Variants in ZNF331 observed in about 807,000 individuals in gnomAD.
ZNF331 encodes C2H2-like zinc finger protein rearranged in thyroid adenomas.
Under a neutral mutation model 7.0 loss-of-function variants are expected in ZNF331, and 2 were observed. That is an observed-to-expected ratio of 0.29 (90% CI 0.12 to 0.90). The LOEUF is 0.90. ZNF331 is among the 40% of genes least tolerant of loss of function. ZNF331 has a pLI of 0.58. For missense variants in ZNF331, 432 were observed against 587.7 expected, an observed-to-expected ratio of 0.74 and a Z score of 2.74; for synonymous variants, 196 against 205.4, an observed-to-expected ratio of 0.95 and a Z score of 0.39.
At chr19:53,527,231 A>T (rs1193137050) in intron 2 of ZNF331, among the ~76,000 whole-genome samples, 1 of 152,116 alleles carries the variant, frequency 6.6e-6, no homozygotes, top group Non-Finnish European at 1.5e-5. Flanking sequence ...TAAAAAAATG[A>T]TTACTCAAGG....
At chr19:53,576,084 A>G (rs1173204594) in intron 5 of ZNF331, among the ~76,000 whole-genome samples, 1 of 152,010 alleles carries the variant, frequency 6.6e-6, no homozygotes, top group Admixed American at 6.6e-5. Flanking sequence ...TCCCAGGTTC[A>G]AGCAATTTCC....
Position 53,577,059 on chromosome 19 carries a change from G to A in ZNF331, c.499G>A (p.Ala167Thr). 2 of 1,613,668 alleles carry A rather than the reference G, an allele frequency of 1.2e-6. No individual in the cohort carries two copies. The highest frequency in any genetic ancestry group is 1.7e-6 in the Non-Finnish European group (2 of 1,179,818). Residue 167 changes from alanine (A) to threonine (T), a missense_variant, in exon 6 of 6, where the codon GCC becomes ACC. Ala to Thr is a moderately conservative substitution (Grantham distance 58, BLOSUM62 0). Transcript: ENST00000449416. ...KPYECKECKKAFRWGNQLTQH... is the reference protein window; with the variant it reads ...KPYECKECKKTFRWGNQLTQH... ...TTATGAATGTAAAGAATGTAAGAAGGCCTTCCGTTGGGGCAATCAGCTTAC... is the reference window on the plus strand; with the variant it reads ...TTATGAATGTAAAGAATGTAAGAAGACCTTCCGTTGGGGCAATCAGCTTAC...
At position 53,577,393 on chromosome 19, in the gene ZNF331, A is replaced by G. The variant is rs1221319425; in HGVS notation, c.833A>G (p.Lys278Arg). ...EKPYECKDCGKAFICGSSLIQ... is the reference protein window; with the variant it reads ...EKPYECKDCGRAFICGSSLIQ... ...CCTTACGAGTGTAAAGACTGTGGGA[A>G]GGCTTTTATTTGTGGTTCAAGCCTC... The change falls in exon 6 of 6, where the codon AAG becomes AGG. Residue 278 changes from lysine to arginine, a missense_variant. Lys to Arg is a conservative substitution (Grantham distance 26). Transcript: ENST00000449416. The G allele has an allele frequency of 2.5e-6, 4 of 1,614,218 alleles. No individual in the cohort carries two copies.
At chr19:53,505,749 G>A in the ZNF331 span, among the ~76,000 whole-genome samples, 9 of 152,152 alleles carry the variant, frequency 5.9e-5, no homozygotes, top group East Asian at 1.9e-4. Context: ...CGCTTTGGAA[G>A]GCCAAGGTGG....
chr19:53,577,092 C>G lies in ZNF331; in HGVS notation c.532C>G (p.Gln178Glu). Residue 178 changes from glutamine to glutamate, a missense_variant, in exon 6 of 6, where the codon CAA becomes GAA. Gln to Glu is a conservative substitution (Grantham distance 29, BLOSUM62 2). Transcript: ENST00000449416. The part of the protein sequence containing the change: ...FRWGNQLTQH[Q>E]KIHTGEKPYE... ...TTGGGGCAATCAGCTTACTCAACAT[C>G]AAAAAATTCATACTGGGGAGAAGCC... 1 of 1,614,094 alleles carries G rather than the reference C, an allele frequency of 6.2e-7. No homozygotes were observed. Among genetic ancestry groups the G allele is most frequent in the Non-Finnish European group, 8.5e-7 (1 of 1,180,030 alleles).
At chr19:53,525,992 T>A (rs1308980091) in intron 2 of ZNF331, among the ~76,000 whole-genome samples, 2 of 152,250 alleles carry the variant, frequency 1.3e-5, no homozygotes, top group Non-Finnish European at 2.9e-5. Context: ...GGAAAGCCTG[T>A]TGAATTTTGT....
intron 2 of ZNF331, among the ~76,000 whole-genome samples, chr19:53,552,221 C>T (rs1216523085): frequency 6.6e-6 from 1 of 152,126 alleles, no homozygotes; most frequent in Admixed American, 6.6e-5. Context: ...ATTATTTGAG[C>T]ACAATTTTTG....
In ZNF331 at chr19:53,523,305, G is replaced by C. The variant is rs1256340371; in HGVS notation, c.-205+621G>C. On this transcript the variant is annotated intron_variant, in intron 2 of 6. Coordinates refer to the ZNF331 transcript ENST00000253144. The stretch of plus-strand genomic sequence containing the variant: ...ATGATCTCAGCTCACTGGAACCTCT[G>C]CGTCCTGGGTTGCAGCGATTCTCCT... The C allele has an allele frequency of 2.6e-5, 4 of 151,272 alleles. 1 individual carries two copies. The highest frequency in any genetic ancestry group is 9.7e-5 in the African/African-American group (4 of 41,100). The allele number at this position is 151,272 out of a possible 1,614,324, so 9.4% of individuals were successfully genotyped here. A position where few individuals can be genotyped will look rare whatever the true frequency, so the allele number is the denominator to read the frequency against.
rs28638186 is a variant in ZNF331, at chr19:53,540,726, G to A, written c.-138+1444G>A. Among the ~76,000 whole-genome samples, 808 of 152,028 alleles carry A rather than the reference G, an allele frequency of 5.3e-3. 6 individuals are homozygous for A. Among genetic ancestry groups the A allele is most frequent in the African/African-American group, 0.014 (581 of 41,444 alleles). ...TGCGGGATTACAGGTGTGAGCCACC[G>A]AGCCTGCCCTGTGGGAGGTATTTTA... On this transcript the variant is annotated intron_variant, in intron 2 of 5. Coordinates refer to ENST00000449416, the MANE Select transcript of ZNF331 (RefSeq NM_001079906.2).
At chr19:53,511,742 A>G in the ZNF331 span, among the ~76,000 whole-genome samples, 13 of 152,134 alleles carry the variant, frequency 8.5e-5, no homozygotes, top group African/African-American at 3.1e-4. Context: ...ATATAAATAT[A>G]TATATTTATT....
chr19:53,560,125 C>T lies in ZNF331; in HGVS notation c.-74+4217C>T, dbSNP rs1367860402. Among the ~76,000 whole-genome samples, 3 of 149,866 alleles carry T rather than the reference C, an allele frequency of 2.0e-5. No homozygotes were observed. Among genetic ancestry groups the T allele is most frequent in the Non-Finnish European group, 4.4e-5 (3 of 67,662 alleles). On this transcript the variant is annotated intron_variant, in intron 3 of 5. Transcript: ENST00000449416. This position sits in a 1 kb window ranked among gnomAD's most constrained non-coding sequence, Gnocchi z 4.3. ...CCCACACCATACACACACATATATA[C>T]ACACACCATATATATACACACATAT...
chr19:53,540,557 C>T (rs1371837577), intron 2 of ZNF331, among the ~76,000 whole-genome samples: 11 of 152,198 alleles, frequency 7.2e-5, no homozygotes, highest in Non-Finnish European at 4.4e-5. Flanking sequence ...CTCAGCCTCC[C>T]GAGTAGCTGG....
Position 53,578,461 on chromosome 19 carries a change from T to TA in ZNF331, c.*510dup, listed in dbSNP as rs1185098463. The TA allele has an allele frequency of 8.7e-6, 2 of 229,028 alleles. No homozygotes were observed. The highest frequency in any genetic ancestry group is 5.4e-5 in the Admixed American group (1 of 18,384). The allele number at this position is 229,028 out of a possible 1,614,324, so 14.2% of individuals were successfully genotyped here. On this transcript the variant is annotated 3_prime_UTR_variant, in exon 6 of 6. Transcript: ENST00000449416. ...ACAATAAGATATTTTGGGAGAGAGA[T>TA]ACGTTCACATAATTTTATTACATAT...
At chr19:53,551,861 T>G (rs2089032718) in intron 2 of ZNF331, among the ~76,000 whole-genome samples, 1 of 152,064 alleles carries the variant, frequency 6.6e-6, no homozygotes, top group Non-Finnish European at 1.5e-5. Flanking sequence ...TGTATAAGAG[T>G]CTGAAGCATT....
Position 53,555,868 on chromosome 19 carries a change from T to C in ZNF331, c.-114T>C, listed in dbSNP as rs1266025617. On this transcript the variant is annotated 5_prime_UTR_variant, in exon 3 of 6. Transcript: ENST00000449416. ...AGGCCAGCATCCTTCAGAAAAAGCATCCCCGAGGAGGAAGACGAATCGTTA... is the reference window on the plus strand; with the variant it reads ...AGGCCAGCATCCTTCAGAAAAAGCACCCCCGAGGAGGAAGACGAATCGTTA... 6.6e-6 allele frequency: 1 copy of C among 151,670 alleles called. No individual in the cohort carries two copies. The highest frequency in any genetic ancestry group is 1.5e-5 in the Non-Finnish European group (1 of 67,994). 9.4% of individuals were successfully genotyped at this position (151,670 alleles called of 1,614,324 possible).
At chr19:53,565,343 C>T (rs896089032) in intron 3 of ZNF331, among the ~76,000 whole-genome samples, 5 of 151,966 alleles carry the variant, frequency 3.3e-5, no homozygotes, top group African/African-American at 9.7e-5. Flanking sequence ...AGGCTTTATA[C>T]CTTAGGTAAT....
At chr19:53,532,130 ATC>A (rs1410700462) in intron 2 of ZNF331, among the ~76,000 whole-genome samples, 2 of 152,192 alleles carry the variant, frequency 1.3e-5, no homozygotes, top group African/African-American at 4.8e-5. Flanking sequence ...AACATTTAAC[ATC>A]TCTCAGCAAT....
At chr19:53,526,128 G>C (rs183596530) in intron 2 of ZNF331, among the ~76,000 whole-genome samples, 2 of 152,074 alleles carry the variant, frequency 1.3e-5, no homozygotes, top group African/African-American at 4.8e-5. Flanking sequence ...GATAAATCCC[G>C]CTTGATCATG....
intron 3 of ZNF331, among the ~76,000 whole-genome samples, chr19:53,559,944 C>G (rs577044482): frequency 4.7e-4 from 70 of 149,122 alleles, no homozygotes; most frequent in Non-Finnish European, 9.2e-4. Context: ...CATACATACA[C>G]ACCACACACA....
Sources: gnomAD v4.1 joint callset for allele counts (sites outside exome capture counted in the v4.1 genomes callset) on GRCh38, gnomAD v4.1.1 for gene constraint, Gnocchi (gnomAD v3.1) non-coding constraint, MANE v1.5 for transcripts, NCBI Gene and HGNC (gene_info 2026-07-23, HGNC 2026-07-21) for gene names.